The following GALNTL6 variants were observed in gnomAD, a reference collection of about 807,000 sequenced individuals.
GALNTL6 encodes the protein polypeptide N-acetylgalactosaminyltransferase-like 6.
A neutral mutation model predicts 73.7 loss-of-function variants in GALNTL6; 46 were observed. The ratio of observed to expected loss-of-function variants is 0.62; its 90% confidence interval spans 0.49 to 0.80. The LOEUF is 0.80. Ranked by LOEUF, GALNTL6 falls within the 30% of genes least tolerant of loss-of-function variation. GALNTL6 has a pLI of 0.00. For missense variants in GALNTL6, 604 were observed against 755.0 expected (o/e 0.80, Z 2.34); for synonymous variants, 259 against 263.7 (o/e 0.98, Z 0.17).
At chr4:172,102,196 T>G (rs1195007977) in intron 2 of GALNTL6, among the ~76,000 whole-genome samples, 1 of 152,200 alleles carries the variant, frequency 6.6e-6, no homozygotes, top group Non-Finnish European at 1.5e-5. Context: ...ATTTACTAAA[T>G]TTATTCGAAT....
chr4:172,377,216 A>C (rs896111203), intron 5 of GALNTL6, among the ~76,000 whole-genome samples: 6 of 152,214 alleles, frequency 3.9e-5, no homozygotes, highest in African/African-American at 1.4e-4. Context: ...GCTGATTGGT[A>C]TGTTTTGACA....
intron 2 of GALNTL6, among the ~76,000 whole-genome samples, chr4:171,988,103 C>A (rs1475986945): frequency 6.6e-6 from 1 of 152,152 alleles, no homozygotes; most frequent in Non-Finnish European, 1.5e-5. Flanking sequence ...ACTATTAAAG[C>A]AGCAGCAGCC....
rs574036871 is a variant in GALNTL6, at chr4:173,031,978, T to C, written c.1639-7955T>C. ...AGATGGAGACTTTTACCTTTTTAGA[T>C]AGGTAAAGAAAGTGATGGAGAAAAA... On this transcript the variant is annotated intron_variant, in intron 12 of 12. Coordinates refer to ENST00000506823, the MANE Select transcript of GALNTL6 (RefSeq NM_001034845.3). Among the ~76,000 whole-genome samples, 474 of 152,208 alleles carry C rather than the reference T, an allele frequency of 3.1e-3. 21 individuals carry two copies. The South Asian group carries it at 0.096, about 31-fold the overall frequency.
chr4:172,780,809 T>C lies in GALNTL6; in HGVS notation c.554-28552T>C, dbSNP rs538010786. On this transcript the variant is annotated intron_variant, in intron 5 of 12. Coordinates refer to ENST00000506823, the MANE Select transcript of GALNTL6 (RefSeq NM_001034845.3). Reference sequence around the variant, plus strand: ...TCCCTCTGTGTTTGAAAGAGGCCCATTTGGTCTGTTTGCTATGGCTGCTGA... The same window carrying C: ...TCCCTCTGTGTTTGAAAGAGGCCCACTTGGTCTGTTTGCTATGGCTGCTGA... Among the ~76,000 whole-genome samples, 4 of 152,314 alleles carry C rather than the reference T, an allele frequency of 2.6e-5. No individual in the cohort carries two copies. In the South Asian group the frequency reaches 8.3e-4, roughly 32 times the overall value.
chr4:172,531,639 A>G (rs1735173084), intron 5 of GALNTL6, among the ~76,000 whole-genome samples: 1 of 152,204 alleles, frequency 6.6e-6, no homozygotes, highest in Non-Finnish European at 1.5e-5. Flanking sequence ...AGTGGGCAAG[A>G]GGTTTGTCCC....
chr4:172,411,965 T>G (rs1445912250), intron 5 of GALNTL6, among the ~76,000 whole-genome samples: 2 of 152,006 alleles, frequency 1.3e-5, no homozygotes, highest in African/African-American at 4.8e-5. Context: ...GGTGATACTC[T>G]TAAGAAGAAA....
chr4:172,288,747 A>G (rs1295149166), intron 3 of GALNTL6, among the ~76,000 whole-genome samples: 2 of 152,082 alleles, frequency 1.3e-5, no homozygotes, highest in African/African-American at 4.8e-5. Flanking sequence ...TGGTCAGCAA[A>G]TTTTCTGAGA....
intron 2 of GALNTL6, among the ~76,000 whole-genome samples, chr4:171,857,953 C>T (rs1735734227): frequency 6.6e-6 from 1 of 152,104 alleles, no homozygotes; most frequent in Non-Finnish European, 1.5e-5. Context: ...TTTTAACCTG[C>T]TCAATAATAA....
At chr4:172,782,564 C>T (rs1029978110) in intron 5 of GALNTL6, among the ~76,000 whole-genome samples, 6 of 152,070 alleles carry the variant, frequency 3.9e-5, no homozygotes, top group Non-Finnish European at 8.8e-5. Flanking sequence ...CACTTCAGAT[C>T]GGGGCTTCAT....
intron 2 of GALNTL6, among the ~76,000 whole-genome samples, chr4:171,958,308 T>C (rs1241851739): frequency 6.6e-6 from 1 of 152,160 alleles, no homozygotes; most frequent in African/African-American, 2.4e-5. Flanking sequence ...ACTTAATGCA[T>C]AAACAGCTGA....
chr4:171,893,492 G>C (rs1045135519), intron 2 of GALNTL6, among the ~76,000 whole-genome samples: 2 of 152,100 alleles, frequency 1.3e-5, no homozygotes, highest in African/African-American at 4.8e-5. Flanking sequence ...CAGGAATAGA[G>C]ACATCAGAAT....
intron 5 of GALNTL6, among the ~76,000 whole-genome samples, chr4:172,631,211 G>A (rs952548072): frequency 3.3e-5 from 5 of 151,582 alleles, no homozygotes; most frequent in Admixed American, 1.3e-4. Context: ...GCATGATCTC[G>A]GCTCACTGCA....
intron 2 of GALNTL6, among the ~76,000 whole-genome samples, chr4:171,838,963 G>A (rs1579499084): frequency 6.6e-6 from 1 of 152,108 alleles, no homozygotes; most frequent in Non-Finnish European, 1.5e-5. Flanking sequence ...TGTGTCTCAA[G>A]CACCAGTTTC....
chr4:172,159,325 A>G (rs1384109729), intron 2 of GALNTL6, among the ~76,000 whole-genome samples: 1 of 152,220 alleles, frequency 6.6e-6, no homozygotes, highest in East Asian at 1.9e-4. Context: ...TTATTGTCCA[A>G]GCCCTTTGAG....
rs935484574 is a variant in GALNTL6 at position 172,308,136 on chromosome 4, G to A, written c.248-3478G>A. ...TTTGTATTCATCGATTTTGTATACC[G>A]AAACTTTACTGAATTCATTTACCAG... On this transcript the variant is annotated intron_variant, in intron 3 of 12. Transcript: ENST00000506823. 1.1e-4 allele frequency among the ~76,000 whole-genome samples: 15 copies of A among 142,750 alleles called. No homozygotes were observed. The East Asian group carries it at 1.8e-3, about 17-fold the overall frequency. 93.6% of individuals were successfully genotyped at this position (142,750 alleles called of 152,430 possible). A position where few individuals can be genotyped will look rare whatever the true frequency, so the allele number is the denominator to read the frequency against.
At chr4:172,522,967 CA>C (rs1734835006) in intron 5 of GALNTL6, among the ~76,000 whole-genome samples, 1 of 152,080 alleles carries the variant, frequency 6.6e-6, no homozygotes, top group Non-Finnish European at 1.5e-5. Flanking sequence ...TCTCAATAGC[CA>C]ATTCCTGTCT....
intron 2 of GALNTL6, among the ~76,000 whole-genome samples, chr4:172,056,594 C>T (rs1016753954): frequency 5.3e-5 from 8 of 152,020 alleles, no homozygotes; most frequent in Non-Finnish European, 7.4e-5. Flanking sequence ...CCTTCAGTCT[C>T]TTGTGAAACT....
chr4:171,913,346 G>T (rs1441880878), intron 2 of GALNTL6, among the ~76,000 whole-genome samples: 1 of 152,134 alleles, frequency 6.6e-6, no homozygotes, highest in African/African-American at 2.4e-5. Flanking sequence ...AATATGTATT[G>T]CAATTATTTT....
intron 5 of GALNTL6, among the ~76,000 whole-genome samples, chr4:172,417,682 G>T (rs1347613023): frequency 1.3e-5 from 2 of 151,914 alleles, no homozygotes; most frequent in Non-Finnish European, 2.9e-5. Context: ...AATTTAAATT[G>T]AAAAAGATAT....
Sources: allele counts gnomAD v4.1 joint callset (sites outside exome capture counted in the v4.1 genomes callset), GRCh38; gene constraint gnomAD v4.1.1; transcripts MANE v1.5; gene names NCBI Gene and HGNC (gene_info 2026-07-23, HGNC 2026-07-21).